Variants in SIM1 observed in about 807,000 individuals in gnomAD.
The protein encoded by SIM1 is single-minded homolog 1.
Under a neutral mutation model 78.2 loss-of-function variants are expected in SIM1, and 18 were observed. The ratio of observed to expected loss-of-function variants is 0.23; its 90% CI spans 0.16 to 0.34. SIM1 has a LOEUF of 0.34. SIM1 is among the 10% of genes least tolerant of loss of function. The pLI is 1.00. For missense variants in SIM1, 939 were observed against 975.1 expected (o/e 0.96, Z 0.49); for synonymous variants, 417 against 385.2 (o/e 1.08, Z -0.97).
At chr6:100,458,395 T>C (rs1455863833) in intron 2 of SIM1, among the ~76,000 whole-genome samples, 2 of 151,846 alleles carry the variant, frequency 1.3e-5, no homozygotes, top group African/African-American at 2.4e-5. Context: ...TAGGTTCTAC[T>C]TGGCGCAGGG....
At chr6:100,450,172 A>G in intron 4 of SIM1, 95 bp downstream of exon 4, 1 of 956,688 alleles carries the variant, frequency 1.0e-6, no homozygotes, top group Non-Finnish European at 1.7e-6. Flanking sequence ...CTCCAGGTTT[A>G]GAGAAGCACA....
In SIM1 at chr6:100,385,627, T is replaced by C. The variant is rs538142578; in HGVS notation, c.*4734A>G. Reference sequence around the variant, plus strand: ...AAACTACAAATGTTTGGTTTAAAATTAGCAATTAGGATTTCTTATGTGAAC... The same window carrying C: ...AAACTACAAATGTTTGGTTTAAAATCAGCAATTAGGATTTCTTATGTGAAC... On this transcript the variant is annotated 3_prime_UTR_variant, in exon 12 of 12. Coordinates refer to ENST00000369208, the MANE Select transcript of SIM1 (RefSeq NM_005068.3). 1.3e-5 allele frequency: 2 copies of C among 151,618 alleles called. No homozygotes were observed. The highest frequency in any genetic ancestry group is 3.4e-3 in the Middle Eastern group (1 of 294). The allele number at this position is 151,618 out of a possible 1,614,324, so 9.4% of individuals were successfully genotyped here.
intron 9 of SIM1, among the ~76,000 whole-genome samples, chr6:100,445,396 G>A (rs1582314250): frequency 6.6e-6 from 1 of 152,248 alleles, no homozygotes; most frequent in Middle Eastern, 3.4e-3. Context: ...GGTATAAAAT[G>A]TTTTAACAAT....
At chr6:100,424,162 TA>T (rs1333956820) in intron 9 of SIM1, among the ~76,000 whole-genome samples, 1 of 144,108 alleles carries the variant, frequency 6.9e-6, no homozygotes, top group East Asian at 2.1e-4. Flanking sequence ...TCAAATTAAA[TA>T]GGTTTAAATA....
chr6:100,459,222 GTTGT>G (rs781476399), intron 2 of SIM1, among the ~76,000 whole-genome samples: 17 of 152,128 alleles, frequency 1.1e-4, no homozygotes, highest in Non-Finnish European at 2.5e-4. Context: ...TGTTTTTGTT[GTTGT>G]TTGTTGTTTT....
chr6:100,399,968 A>G (rs1770865323), intron 10 of SIM1, among the ~76,000 whole-genome samples: 1 of 152,044 alleles, frequency 6.6e-6, no homozygotes, highest in African/African-American at 2.4e-5. Flanking sequence ...TATAAAACCA[A>G]GCAAAGTAGA....
chr6:100,425,394 A>T (rs1227094080), intron 9 of SIM1, among the ~76,000 whole-genome samples: 2 of 152,186 alleles, frequency 1.3e-5, no homozygotes, highest in African/African-American at 4.8e-5. Context: ...TTTTTAAGGT[A>T]AATTCTTTAT....
intron 9 of SIM1, among the ~76,000 whole-genome samples, chr6:100,426,040 A>C (rs1233976012): frequency 6.6e-6 from 1 of 152,234 alleles, no homozygotes; most frequent in Non-Finnish European, 1.5e-5. Flanking sequence ...CTGTTCTCTC[A>C]GACATGATTG....
At position 100,386,975 on chromosome 6, in the gene SIM1, A is replaced by G. The variant is rs1453795512; in HGVS notation, c.*3386T>C. 6.6e-6 allele frequency: 1 copy of G among 152,062 alleles called. No individual in the cohort carries two copies. The highest frequency in any genetic ancestry group is 1.5e-5 in the Non-Finnish European group (1 of 67,924). The allele number at this position is 152,062 out of a possible 1,614,324, so 9.4% of individuals were successfully genotyped here. On this transcript the variant is annotated 3_prime_UTR_variant, in exon 12 of 12. Transcript: ENST00000369208. ...TCCCAAAATAACACATCAAATCTAT[A>G]TATTCCCAATAACAATTTAAACAGA...
chr6:100,447,772 C>G (rs1370234494), intron 8 of SIM1, among the ~76,000 whole-genome samples: 1 of 152,228 alleles, frequency 6.6e-6, no homozygotes, highest in East Asian at 1.9e-4. Flanking sequence ...CGGGAGATTA[C>G]GCTCAAAGCA....
chr6:100,441,837 C>T (rs1772225823), intron 9 of SIM1, among the ~76,000 whole-genome samples: 1 of 152,210 alleles, frequency 6.6e-6, no homozygotes, highest in Admixed American at 6.5e-5. Context: ...AATCTTCCAT[C>T]ATTAATTCAG....
chr6:100,391,127 A>G, intron 11 of SIM1, 36 bp from the exon 12 acceptor site: 2 of 1,536,040 alleles, frequency 1.3e-6, no homozygotes, highest in Non-Finnish European at 1.7e-6. Flanking sequence ...AAGTGATCTC[A>G]GAATTCACCC....
chr6:100,421,910 G>A (rs1270007436), intron 9 of SIM1, among the ~76,000 whole-genome samples: 3 of 152,070 alleles, frequency 2.0e-5, no homozygotes, highest in Admixed American at 6.5e-5. Flanking sequence ...ACCAGAACTC[G>A]CTGGGCTGCC....
chr6:100,460,166 C>A (rs181708589), intron 2 of SIM1, among the ~76,000 whole-genome samples: 1 of 151,614 alleles, frequency 6.6e-6, no homozygotes, highest in Non-Finnish European at 1.5e-5. Flanking sequence ...CCATTTTCAC[C>A]TAAACAGTTT....
At position 100,390,667 on chromosome 6, in the gene SIM1, G is replaced by A; in HGVS notation, c.1995C>T (p.Arg665=). ...CTAGGATCAAACTGGATTTTGAAAT[G>A]CGATCCGAATTGGGACTACTTATCC... The part of the protein sequence containing the change: ...LSRISSPNSD[R]ISKSSLILAK... The change falls in exon 12 of 12, where the codon CGC becomes CGT. Residue 665 remains arginine (R), a synonymous_variant. Coordinates refer to ENST00000369208, the MANE Select transcript of SIM1 (RefSeq NM_005068.3). The A allele has an allele frequency of 1.9e-6, 3 of 1,614,172 alleles. No homozygotes were observed. The highest frequency in any genetic ancestry group is 4.5e-5 in the East Asian group (2 of 44,874).
At chr6:100,416,734 A>C (rs971574578) in intron 10 of SIM1, among the ~76,000 whole-genome samples, 1 of 152,206 alleles carries the variant, frequency 6.6e-6, no homozygotes, top group South Asian at 2.1e-4. Context: ...AGTAAGCTTT[A>C]AAAGTATAAT....
At position 100,420,913 on chromosome 6, in the gene SIM1, T is replaced by C; in HGVS notation, c.1044A>G (p.Ser348=). 1 of 1,613,956 alleles carries C rather than the reference T, an allele frequency of 6.2e-7. No homozygotes were observed. The highest frequency in any genetic ancestry group is 8.5e-7 in the Non-Finnish European group (1 of 1,179,950). The change falls in exon 10 of 12, where the codon TCA becomes TCG. Residue 348 remains serine (S), a synonymous_variant. Coordinates refer to ENST00000369208, the MANE Select transcript of SIM1 (RefSeq NM_005068.3). ...TATAGGAGAAGGCTGGTTTGGAGGC[T>C]GAGATCTGATCCAGGGAGAGCTGCA... is the stretch of plus-strand genomic sequence containing the variant. The part of the protein sequence containing the change: ...KGLQLSLDQI[S]ASKPAFSYTS...
chr6:100,393,740 A>C lies in SIM1; in HGVS notation c.1317T>G (p.Phe439Leu), dbSNP rs1459946319. Residue 439 changes from phenylalanine (F) to leucine (L), a missense_variant, in exon 11 of 12, where the codon TTT (phenylalanine) becomes TTG (leucine). Transcript: ENST00000369208. ...QHDASCAYRQ[F>L]SDRSSLCYGF... Reference sequence around the variant, plus strand: ...CATAGCAGAGAGAGCTGCGGTCCGAAAACTGTCTGTAGGCGCACGATGCGT... The same window carrying C: ...CATAGCAGAGAGAGCTGCGGTCCGACAACTGTCTGTAGGCGCACGATGCGT... 6.2e-7 allele frequency: 1 copy of C among 1,614,224 alleles called. No homozygotes were observed.
chr6:100,454,819 A>G (rs1051270617), intron 2 of SIM1, among the ~76,000 whole-genome samples: 1 of 152,210 alleles, frequency 6.6e-6, no homozygotes, highest in Non-Finnish European at 1.5e-5. Flanking sequence ...CTTTTGCGGA[A>G]AGAAAAAACA....
Sources: allele counts gnomAD v4.1 joint callset (sites outside exome capture counted in the v4.1 genomes callset), GRCh38; gene constraint gnomAD v4.1.1; transcripts MANE v1.5; gene names NCBI Gene and HGNC (gene_info 2026-07-23, HGNC 2026-07-21).